Variants in VSIR observed in about 807,000 individuals in gnomAD.
The protein encoded by VSIR is V-set immunoregulatory receptor.
In VSIR, 10 loss-of-function variants were observed where a neutral mutation model predicts 31.0. The observed-to-expected ratio is 0.32, with a 90% CI of 0.20 to 0.55. VSIR has a LOEUF of 0.55. Among genes scored for constraint, VSIR ranks in the 20% least tolerant of loss-of-function variants. The pLI is 0.93. For missense variants in VSIR, 356 were observed against 416.2 expected, an observed-to-expected ratio of 0.86 and a Z score of 1.26; for synonymous variants, 179 against 180.1, an observed-to-expected ratio of 0.99 and a Z score of 0.05.
rs1271199663 is a variant in VSIR, at chr10:71,760,062, T to C, written c.568+806A>G. ...ACATATATACACACACACATATATATACACACACACATATATATACACACA... is the reference window on the plus strand; with the variant it reads ...ACATATATACACACACACATATATACACACACACACATATATATACACACA... On this transcript the variant is annotated intron_variant, in intron 3 of 6. Coordinates refer to ENST00000394957, the MANE Select transcript of VSIR (RefSeq NM_022153.2). Among the ~76,000 whole-genome samples the C allele has an allele frequency of 3.5e-4, 9 of 25,396 alleles. 1 individual carries two copies. Among genetic ancestry groups the C allele is most frequent in the Non-Finnish European group, 8.7e-4 (6 of 6,864 alleles). The allele number at this position is 25,396 out of a possible 152,430, so 16.7% of individuals were successfully genotyped here.
intron 3 of VSIR, among the ~76,000 whole-genome samples, chr10:71,759,884 C>CATATATATACACACACATAT (rs377560344): frequency 2.0e-5 from 1 of 49,120 alleles, no homozygotes; most frequent in Non-Finnish European, 4.5e-5. Context: ...CACACACACA[C>CATATATATACACACACATAT]ATATACACAC....
intron 3 of VSIR, among the ~76,000 whole-genome samples, chr10:71,756,414 G>A (rs910487774): frequency 6.6e-6 from 1 of 152,184 alleles, no homozygotes; most frequent in African/African-American, 2.4e-5. Flanking sequence ...TCCCCTGTTG[G>A]TAGACATGTT....
At position 71,767,812 on chromosome 10, in the gene VSIR, G is replaced by T. The variant is rs185802177; in HGVS notation, c.82+5546C>A. Among the ~76,000 whole-genome samples, 214 of 152,342 alleles carry T rather than the reference G, an allele frequency of 1.4e-3. 3 individuals are homozygous for T. The highest frequency in any genetic ancestry group is 4.8e-3 in the African/African-American group (201 of 41,584). ...AGTGTCCATTCACATCAGACCAAGGGGGCTGGGAAGGGGAAGCCAGGCTCT... is the reference window on the plus strand; with the variant it reads ...AGTGTCCATTCACATCAGACCAAGGTGGCTGGGAAGGGGAAGCCAGGCTCT... On this transcript the variant is annotated intron_variant, in intron 1 of 6. Coordinates refer to ENST00000394957, the MANE Select transcript of VSIR (RefSeq NM_022153.2).
intron 1 of VSIR, among the ~76,000 whole-genome samples, chr10:71,764,493 T>C (rs150677313): frequency 6.6e-6 from 1 of 152,356 alleles, no homozygotes; most frequent in African/African-American, 2.4e-5. Flanking sequence ...TTTAATTTTC[T>C]TGAGATGGCA....
chr10:71,770,941 G>GCCACAAC (rs2132911223), intron 1 of VSIR, among the ~76,000 whole-genome samples: 1 of 152,320 alleles, frequency 6.6e-6, no homozygotes, highest in South Asian at 2.1e-4. Context: ...CTACTCCAGA[G>GCCACAAC]CCTCTGGGCA....
At chr10:71,765,523 A>C (rs1840516097) in intron 1 of VSIR, among the ~76,000 whole-genome samples, 1 of 152,142 alleles carries the variant, frequency 6.6e-6, no homozygotes, top group African/African-American at 2.4e-5. Flanking sequence ...GGGGCAGGGC[A>C]CCAGGCTGGG....
chr10:71,752,072 G>T (rs1840018285), intron 5 of VSIR: 1 of 700,918 alleles, frequency 1.4e-6, no homozygotes, highest in South Asian at 1.5e-5. Flanking sequence ...GAGGGCATCA[G>T]GGCCCACCAG....
At chr10:71,765,144 C>G (rs1208098473) in intron 1 of VSIR, among the ~76,000 whole-genome samples, 1 of 152,226 alleles carries the variant, frequency 6.6e-6, no homozygotes, top group African/African-American at 2.4e-5. Context: ...TGTGCTGCCC[C>G]CTTCCCCAGC....
rs1840674026 is a variant in VSIR at position 71,771,122 on chromosome 10, TCAGC to T, written c.82+2232_82+2235del. Among the ~76,000 whole-genome samples the T allele has an allele frequency of 1.3e-5, 2 of 152,110 alleles. 1 individual carries two copies. The highest frequency in any genetic ancestry group is 4.1e-4 in the South Asian group (2 of 4,822). On this transcript the variant is annotated intron_variant, in intron 1 of 6. Coordinates refer to ENST00000394957, the MANE Select transcript of VSIR (RefSeq NM_022153.2). ...AGTCCCAGAGGTTGGGAGTCCTGAG[TCAGC>T]CTGTGAGGACAGGGCAAGGACAGTA...
chr10:71,758,504 T>C (rs989964054), intron 3 of VSIR, among the ~76,000 whole-genome samples: 1 of 152,198 alleles, frequency 6.6e-6, no homozygotes, highest in Admixed American at 6.5e-5. Context: ...GGCAGTGCCC[T>C]CTTACCCTGT....
intron 1 of VSIR, among the ~76,000 whole-genome samples, chr10:71,768,471 G>A (rs916970318): frequency 1.3e-4 from 19 of 145,042 alleles, no homozygotes; most frequent in Admixed American, 4.1e-4. Flanking sequence ...GTGCCTGGCC[G>A]TTTGGTTGGT....
At chr10:71,766,694 A>T (rs567612643) in intron 1 of VSIR, among the ~76,000 whole-genome samples, 7 of 152,218 alleles carry the variant, frequency 4.6e-5, no homozygotes, top group African/African-American at 1.4e-4. Context: ...CACCCCCAAC[A>T]TGGGTGGTAT....
chr10:71,766,950 C>T (rs927379819), intron 1 of VSIR, among the ~76,000 whole-genome samples: 12 of 152,336 alleles, frequency 7.9e-5, no homozygotes, highest in Middle Eastern at 3.4e-3. Flanking sequence ...TCCTGCTCTG[C>T]CTCAGACCCA....
At chr10:71,766,369 C>T (rs1372494951) in intron 1 of VSIR, among the ~76,000 whole-genome samples, 10 of 152,150 alleles carry the variant, frequency 6.6e-5, no homozygotes, top group Non-Finnish European at 8.8e-5. Context: ...GCCCGCCACC[C>T]GCCACCTGCC....
chr10:71,770,085 G>T (rs1171852522), intron 1 of VSIR, among the ~76,000 whole-genome samples: 2 of 152,226 alleles, frequency 1.3e-5, no homozygotes, highest in African/African-American at 4.8e-5. Flanking sequence ...GGAGAATCTA[G>T]TCCCAGTGAA....
chr10:71,760,231 GTATATACATATATATGTA>G (rs1564780258), intron 3 of VSIR, among the ~76,000 whole-genome samples: 2 of 22,038 alleles, frequency 9.1e-5, no homozygotes, highest in African/African-American at 3.1e-4. Flanking sequence ...GTATATATAT[GTATATACATATATATGTA>G]TGTATATATA....
intron 1 of VSIR, among the ~76,000 whole-genome samples, chr10:71,766,736 CAG>C (rs1278215623): frequency 6.6e-6 from 1 of 152,144 alleles, no homozygotes; most frequent in Non-Finnish European, 1.5e-5. Context: ...GAAACAGACT[CAG>C]AGAAGTGACT....
intron 3 of VSIR, among the ~76,000 whole-genome samples, chr10:71,758,933 G>T (rs1840218747): frequency 1.3e-5 from 2 of 151,536 alleles, no homozygotes. Flanking sequence ...GCAGTGGTGT[G>T]ATCTCGGCTC....
chr10:71,754,200 C>T (rs1047504234), intron 4 of VSIR, among the ~76,000 whole-genome samples: 3 of 152,148 alleles, frequency 2.0e-5, no homozygotes, highest in Admixed American at 6.5e-5. Flanking sequence ...TACCTGCCCC[C>T]ACCCACCCCC....
Sources: gnomAD v4.1 joint callset for allele counts (sites outside exome capture counted in the v4.1 genomes callset) on GRCh38, gnomAD v4.1.1 for gene constraint, MANE v1.5 for transcripts, NCBI Gene and HGNC (gene_info 2026-07-23, HGNC 2026-07-21) for gene names.